Variants in FGGY observed in about 807,000 individuals in gnomAD.
The protein encoded by FGGY is FGGY carbohydrate kinase domain-containing protein.
Under a neutral mutation model 71.3 loss-of-function variants are expected in FGGY, and 72 were observed. That is an observed-to-expected ratio of 1.01 (90% CI 0.84 to 1.23). The LOEUF (loss-of-function observed/expected upper bound fraction) is 1.23, where lower values mean the gene tolerates loss of function less well. FGGY is among the 50% of genes most tolerant of loss of function. The probability of loss-of-function intolerance (pLI) is 0.00; values close to 1 mark genes in which losing one functional copy is unlikely to be tolerated. For synonymous variants in FGGY, 251 were observed against 250.3 expected, an observed-to-expected ratio of 1.00 and a Z score of -0.02; for missense variants, 668 against 682.3, an observed-to-expected ratio of 0.98 and a Z score of 0.23.
intron 8 of FGGY, among the ~76,000 whole-genome samples, chr1:59,573,828 A>G (rs2096031021): frequency 6.6e-6 from 1 of 152,148 alleles, no homozygotes; most frequent in Non-Finnish European, 1.5e-5. Context: ...AAAGCTATAT[A>G]ATGGATTACA....
intron 5 of FGGY, among the ~76,000 whole-genome samples, chr1:59,407,137 C>A (rs1414958884): frequency 6.6e-6 from 1 of 152,210 alleles, no homozygotes; most frequent in African/African-American, 2.4e-5. Flanking sequence ...ATCCCACCTG[C>A]AGGTTGGGTC....
intron 7 of FGGY, among the ~76,000 whole-genome samples, chr1:59,534,618 C>CT (rs1167576450): frequency 6.6e-6 from 1 of 152,190 alleles, no homozygotes; most frequent in Non-Finnish European, 1.5e-5. Flanking sequence ...GCCCATCAGA[C>CT]TAACAGCGGA....
At chr1:59,355,649 A>G (rs905993368) in intron 4 of FGGY, among the ~76,000 whole-genome samples, 1 of 152,070 alleles carries the variant, frequency 6.6e-6, no homozygotes, top group Non-Finnish European at 1.5e-5. Context: ...ACAGTGTAAC[A>G]GCATGCTGTT....
chr1:59,364,192 G>GC (rs930355344), intron 4 of FGGY, among the ~76,000 whole-genome samples: 1 of 152,140 alleles, frequency 6.6e-6, no homozygotes, highest in Non-Finnish European at 1.5e-5. Context: ...CCCCACTGCA[G>GC]CCCCCCTCTC....
intron 6 of FGGY, among the ~76,000 whole-genome samples, chr1:59,491,280 G>A (rs2093853119): frequency 6.6e-6 from 1 of 150,994 alleles, no homozygotes; most frequent in South Asian, 2.1e-4. Context: ...TATTTTGATA[G>A]GGATTACGTT....
At chr1:59,363,171 A>G (rs975406046) in intron 4 of FGGY, among the ~76,000 whole-genome samples, 1 of 152,222 alleles carries the variant, frequency 6.6e-6, no homozygotes, top group Non-Finnish European at 1.5e-5. Flanking sequence ...TCGGCTAACA[A>G]TCCTATGAGT....
At chr1:59,313,643 A>G (rs1314692324) in intron 1 of FGGY, among the ~76,000 whole-genome samples, 1 of 152,196 alleles carries the variant, frequency 6.6e-6, no homozygotes, top group Non-Finnish European at 1.5e-5. Context: ...GAATGAATTA[A>G]TGGCATTCTC....
intron 8 of FGGY, among the ~76,000 whole-genome samples, chr1:59,587,478 G>T (rs973438988): frequency 4.6e-5 from 7 of 152,082 alleles, no homozygotes; most frequent in South Asian, 2.1e-4. Flanking sequence ...ATCTGAGAAC[G>T]GGCAGACTGC....
At chr1:59,464,539 C>A (rs914317966) in intron 6 of FGGY, among the ~76,000 whole-genome samples, 1 of 152,004 alleles carries the variant, frequency 6.6e-6, no homozygotes, top group East Asian at 1.9e-4. Context: ...GAGATAGAGA[C>A]ACACACACAA....
At chr1:59,357,798 A>G (rs528618717) in intron 4 of FGGY, among the ~76,000 whole-genome samples, 2 of 152,298 alleles carry the variant, frequency 1.3e-5, no homozygotes, top group African/African-American at 4.8e-5. Context: ...GCCAGCCAGG[A>G]GCTAGCCATG....
rs146292283 is a variant in FGGY at position 59,346,236 on chromosome 1, G to A, written c.314-11G>A. On this transcript the variant is annotated splice_polypyrimidine_tract_variant and intron_variant, in intron 3 of 15. Transcript: ENST00000303721. ...GTGTGTCCATCTGCATCTCCCTCTC[G>A]TTTCTGCTAGGGGATTCCCATCGAA... 1.4e-4 allele frequency: 224 copies of A among 1,612,500 alleles called. 1 individual carries two copies. In the African/African-American group the frequency reaches 2.2e-3, roughly 16 times the overall value.
At chr1:59,613,360 A>C (rs1250288161) in intron 9 of FGGY, among the ~76,000 whole-genome samples, 7 of 152,204 alleles carry the variant, frequency 4.6e-5, no homozygotes, top group Admixed American at 4.6e-4. Flanking sequence ...AAACCACTCA[A>C]CTACATGGAA....
chr1:59,464,524 G>A (rs1356217563), intron 6 of FGGY, among the ~76,000 whole-genome samples: 3 of 151,960 alleles, frequency 2.0e-5, no homozygotes, highest in Admixed American at 6.6e-5. Context: ...TTAGCAGAAC[G>A]GAAGGAGATA....
intron 11 of FGGY, among the ~76,000 whole-genome samples, chr1:59,642,510 A>G (rs1288768498): frequency 6.6e-6 from 1 of 151,968 alleles, no homozygotes; most frequent in Non-Finnish European, 1.5e-5. Context: ...CTGTAATCCC[A>G]GCTACTCAGG....
At chr1:59,611,687 G>A (rs932484031) in intron 9 of FGGY, among the ~76,000 whole-genome samples, 6 of 152,092 alleles carry the variant, frequency 3.9e-5, no homozygotes, top group East Asian at 1.9e-4. Flanking sequence ...GGCTTCAGAC[G>A]ATCAAACTGC....
intron 2 of FGGY, among the ~76,000 whole-genome samples, chr1:59,322,982 C>G (rs892409119): frequency 9.2e-5 from 14 of 152,112 alleles, no homozygotes; most frequent in Non-Finnish European, 1.8e-4. Context: ...TTAATGAATT[C>G]TGGGCTGCTG....
chr1:59,638,228 A>G lies in FGGY; in HGVS notation c.1074A>G (p.Arg358=), dbSNP rs142903127. 33 of 1,611,964 alleles carry G rather than the reference A, an allele frequency of 2.0e-5. No homozygotes were observed. The highest frequency in any genetic ancestry group is 2.8e-5 in the Non-Finnish European group (33 of 1,179,154). The change falls in exon 11 of 16, where the codon AGA becomes AGG. Residue 358 remains arginine, a splice_region_variant and synonymous_variant. Coordinates refer to ENST00000303721, the MANE Select transcript of FGGY (RefSeq NM_018291.5). The part of the protein sequence containing the change: ...FPELQVKATA[R]CQSIYAYLNS... ...AAAATAAAATTCACTTCTCTTCCAG[A>G]TGCCAGAGTATATATGCATATTTGA...
intron 5 of FGGY, among the ~76,000 whole-genome samples, chr1:59,400,529 CT>C (rs1242856438): frequency 5.3e-5 from 8 of 149,796 alleles, no homozygotes; most frequent in Non-Finnish European, 1.0e-4. Context: ...ATTTTTTTCT[CT>C]AACAATTCTG....
At chr1:59,710,144 G>A (rs1267275281) in intron 14 of FGGY, among the ~76,000 whole-genome samples, 1 of 152,156 alleles carries the variant, frequency 6.6e-6, no homozygotes, top group East Asian at 1.9e-4. Flanking sequence ...CTGGAGACTA[G>A]CCCCATTGTT....
Sources: allele counts gnomAD v4.1 joint callset (sites outside exome capture counted in the v4.1 genomes callset), GRCh38; gene constraint gnomAD v4.1.1; transcripts MANE v1.5; gene names NCBI Gene and HGNC (gene_info 2026-07-23, HGNC 2026-07-21).